The following JKAMP variants were observed in gnomAD, a reference collection of about 807,000 sequenced individuals.
The protein encoded by JKAMP is JNK1/MAPK8 associated membrane protein.
Under a neutral mutation model 40.2 loss-of-function variants are expected in JKAMP, and 20 were observed. The ratio of observed to expected loss-of-function variants is 0.50; its 90% CI spans 0.35 to 0.72. The LOEUF (loss-of-function observed/expected upper bound fraction) is 0.72, where lower values mean the gene tolerates loss of function less well. Ranked by LOEUF, JKAMP falls within the 30% of genes least tolerant of loss-of-function variation. JKAMP has a pLI of 0.01. For synonymous variants in JKAMP, 138 were observed against 131.6 expected, an observed-to-expected ratio of 1.05 and a Z score of -0.33; for missense variants, 276 against 373.0, an observed-to-expected ratio of 0.74 and a Z score of 2.14.
intron 2 of JKAMP, 32 bp from the exon 3 acceptor site, chr14:59,487,642 T>G (rs749104327): frequency 1.9e-6 from 3 of 1,547,022 alleles, no homozygotes; most frequent in Non-Finnish European, 1.8e-6. Context: ...AAATAATATC[T>G]GTACACAAAA....
chr14:59,503,862 T>G lies in JKAMP; in HGVS notation c.726T>G (p.Tyr242Ter). The change falls in exon 7 of 7, where the codon TAT becomes TAG. Residue 242 changes from tyrosine to a stop codon, truncating the protein, a stop_gained. Transcript: ENST00000616435. LOFTEE classifies it high-confidence loss of function. ...TTTACAAAATTATATAGAACTGCTA[T>G]GATCTTCTGGTCAGAAAGAAAAGAC... The part of the protein sequence containing the change: ...YMSASEIENC[Y>*]DLLVRKKRLI... 1.2e-6 allele frequency: 2 copies of G among 1,607,234 alleles called. No individual in the cohort carries two copies. The highest frequency in any genetic ancestry group is 1.7e-6 in the Non-Finnish European group (2 of 1,173,822).
chr14:59,485,704 G>A, intron 1 of JKAMP: 1 of 152,770 alleles, frequency 6.5e-6, no homozygotes, highest in Non-Finnish European at 1.5e-5. Context: ...TGCAACCTCT[G>A]CCTCCTGGGT....
intron 1 of JKAMP, chr14:59,485,465 C>A: frequency 5.1e-6 from 1 of 198,008 alleles, no homozygotes; most frequent in Non-Finnish European, 1.0e-5. Flanking sequence ...CTCTCAGCAG[C>A]ATAAGGAGAA....
chr14:59,502,696 G>A (rs1016538272), intron 6 of JKAMP, among the ~76,000 whole-genome samples: 1 of 147,878 alleles, frequency 6.8e-6, no homozygotes, highest in Non-Finnish European at 1.5e-5. Flanking sequence ...TCAACTCTAG[G>A]GAAAGATTTG....
At position 59,502,969 on chromosome 14, in the gene JKAMP, C is replaced by T. The variant is rs144002116; in HGVS notation, c.718-885C>T. Among the ~76,000 whole-genome samples the T allele has an allele frequency of 5.2e-4, 79 of 151,632 alleles. No individual in the cohort carries two copies. The East Asian group carries it at 0.013, about 24-fold the overall frequency. Reference sequence around the variant, plus strand: ...TTCACCATGTTGATCAGGCTGGTCTCAAACTCCTGACCTCATAACCCACCC... The same window carrying T: ...TTCACCATGTTGATCAGGCTGGTCTTAAACTCCTGACCTCATAACCCACCC... On this transcript the variant is annotated intron_variant, in intron 6 of 6. Transcript: ENST00000616435.
chr14:59,486,260 A>C (rs1179644497), intron 1 of JKAMP, among the ~76,000 whole-genome samples: 1 of 152,244 alleles, frequency 6.6e-6, no homozygotes, highest in Non-Finnish European at 1.5e-5. Flanking sequence ...CCCATGTGAA[A>C]ATGTGTTCTG....
chr14:59,501,340 T>A, intron 6 of JKAMP, 73 bp downstream of exon 6: 1 of 902,682 alleles, frequency 1.1e-6, no homozygotes, highest in East Asian at 2.4e-5. Context: ...ATAGTCCATA[T>A]GATATGATAT....
At chr14:59,492,938 C>CAA (rs2139879140) in intron 3 of JKAMP, among the ~76,000 whole-genome samples, 1 of 152,038 alleles carries the variant, frequency 6.6e-6, no homozygotes, top group Admixed American at 6.6e-5. Flanking sequence ...GCTGGGACTA[C>CAA]AGGCGCCTGC....
chr14:59,490,150 G>C (rs1350085316), intron 3 of JKAMP, among the ~76,000 whole-genome samples: 1 of 152,086 alleles, frequency 6.6e-6, no homozygotes, highest in Non-Finnish European at 1.5e-5. Context: ...TCGATCTCCT[G>C]GGCGCAAGCA....
intron 3 of JKAMP, among the ~76,000 whole-genome samples, chr14:59,494,331 C>T (rs1181076958): frequency 6.6e-6 from 1 of 152,094 alleles, no homozygotes; most frequent in Non-Finnish European, 1.5e-5. Flanking sequence ...AATGGATAAA[C>T]AAATCACAGT....
chr14:59,485,449 CT>C, intron 1 of JKAMP: 1 of 221,254 alleles, frequency 4.5e-6, no homozygotes, highest in Non-Finnish European at 8.8e-6. Flanking sequence ...TGCTGTTTCT[CT>C]TTTTCTCTCA....
intron 1 of JKAMP, 75 bp downstream of exon 1, chr14:59,484,668 C>T (rs1449975944): frequency 1.8e-5 from 27 of 1,523,392 alleles, no homozygotes; most frequent in South Asian, 3.6e-5. Flanking sequence ...GCCTCGGGCT[C>T]GGCTCTTTGT....
chr14:59,492,485 G>A (rs773178484), intron 3 of JKAMP, among the ~76,000 whole-genome samples: 11 of 152,136 alleles, frequency 7.2e-5, no homozygotes, highest in Admixed American at 3.3e-4. Context: ...GGTCCTGCAA[G>A]TGACATGCCA....
At chr14:59,484,930 A>T in intron 1 of JKAMP, 1 of 1,468,064 alleles carries the variant, frequency 6.8e-7, no homozygotes, top group South Asian at 1.4e-5. Flanking sequence ...GTGCAGAAAA[A>T]ACAGTAAAGC....
chr14:59,487,549 C>G (rs1305573520), intron 2 of JKAMP, 125 bp from the exon 3 acceptor site: 4 of 676,468 alleles, frequency 5.9e-6, no homozygotes, highest in Non-Finnish European at 1.0e-5. Flanking sequence ...TTTTTTATTT[C>G]TAAAAGCTGC....
At position 59,501,214 on chromosome 14, in the gene JKAMP, T is replaced by C; in HGVS notation, c.664T>C (p.Leu222=). Residue 222 remains leucine, a synonymous_variant, in exon 6 of 7, where the codon TTA becomes CTA. Coordinates refer to ENST00000616435, the MANE Select transcript of JKAMP (RefSeq NM_016475.5). The stretch of plus-strand genomic sequence containing the variant: ...AGATTACGCCTTCCCATACATTATA[T>C]TAGTGTTATCTTTGGTTACTCTGGC... ...LLYYAFPYII[L]VLSLVTLAVY... The C allele has an allele frequency of 6.2e-7, 1 of 1,601,780 alleles. No individual in the cohort carries two copies. The highest frequency in any genetic ancestry group is 2.2e-5 in the East Asian group (1 of 44,742).
intron 1 of JKAMP, chr14:59,485,042 A>T (rs750974785): frequency 6.3e-7 from 1 of 1,598,190 alleles, no homozygotes; most frequent in African/African-American, 1.3e-5. Flanking sequence ...ATGGAATCTT[A>T]AAACTTTAGC....
chr14:59,498,624 T>C (rs1891624112), intron 4 of JKAMP, 103 bp from the exon 5 acceptor site: 3 of 665,752 alleles, frequency 4.5e-6, no homozygotes, highest in Non-Finnish European at 7.3e-6. Flanking sequence ...AGAGTAAATA[T>C]GCTTTTTAAA....
rs1458792614 is a variant in JKAMP at position 59,484,900 on chromosome 14, A to T, written c.4+307A>T. On this transcript the variant is annotated intron_variant, in intron 1 of 6. Coordinates refer to ENST00000616435, the MANE Select transcript of JKAMP (RefSeq NM_016475.5). ...ACACTTGCTTGAGGGTTGACTTCGG[A>T]ATTGAAAACGCGGGTGATAGTGCAG... 1.7e-5 allele frequency: 24 copies of T among 1,402,876 alleles called. No homozygotes were observed. In the Middle Eastern group the frequency reaches 7.3e-4, roughly 42 times the overall value. 86.9% of individuals were successfully genotyped at this position (1,402,876 alleles called of 1,614,324 possible).
Sources: allele counts gnomAD v4.1 joint callset (sites outside exome capture counted in the v4.1 genomes callset), GRCh38; gene constraint gnomAD v4.1.1; transcripts MANE v1.5; gene names NCBI Gene and HGNC (gene_info 2026-07-23, HGNC 2026-07-21).